Variants in NT5DC1 observed in about 807,000 individuals in gnomAD.
NT5DC1 encodes 5'-nucleotidase domain-containing protein 1.
Under a neutral mutation model 59.4 loss-of-function variants are expected in NT5DC1, and 42 were observed. The observed-to-expected ratio is 0.71, with a 90% CI of 0.55 to 0.92. The LOEUF is 0.92. Ranked by LOEUF, NT5DC1 falls within the 40% of genes least tolerant of loss-of-function variation. The pLI is 0.00. For missense variants in NT5DC1, 501 were observed against 537.1 expected (o/e 0.93, Z 0.66); for synonymous variants, 172 against 188.1 (o/e 0.91, Z 0.70).
chr6:116,125,831 T>C, intron 6 of NT5DC1: 1 of 214,304 alleles, frequency 4.7e-6, no homozygotes, highest in Non-Finnish European at 9.4e-6. Flanking sequence ...AGTTTCAAAA[T>C]ACACTGAAAT....
At position 116,108,454 on chromosome 6, in the gene NT5DC1, G is replaced by A. The variant is rs923840917; in HGVS notation, c.257+19G>A. On this transcript the variant is annotated intron_variant, in intron 3 of 11. Transcript: ENST00000319550. ...TTCTCAGGTAATAAAACTTAGTTGT[G>A]AAGTCTAAACTTTACCTTCTCTGAG... The A allele has an allele frequency of 5.3e-6, 8 of 1,502,446 alleles. No individual in the cohort carries two copies. The South Asian group carries it at 9.0e-5, about 17-fold the overall frequency. The allele number at this position is 1,502,446 out of a possible 1,614,324, so 93.1% of individuals were successfully genotyped here.
At chr6:116,230,475 C>A (rs1204810) in intron 8 of NT5DC1, among the ~76,000 whole-genome samples, 113,121 of 152,178 alleles carry the variant, frequency 0.74, 43,483 homozygotes, top group East Asian at 1. Flanking sequence ...CTCAGACTTT[C>A]ATGTACACGT....
chr6:116,111,961 C>G (rs1778885672), intron 4 of NT5DC1, among the ~76,000 whole-genome samples: 1 of 152,176 alleles, frequency 6.6e-6, no homozygotes, highest in South Asian at 2.1e-4. Flanking sequence ...ACAGGCTCTT[C>G]CTTTCTCCTG....
intron 6 of NT5DC1, among the ~76,000 whole-genome samples, chr6:116,136,468 G>GT (rs60569308): frequency 0.21 from 31,945 of 151,444 alleles, 3,541 homozygotes; most frequent in South Asian, 0.28. Context: ...GTTTTGTGGG[G>GT]TTTTTTTTAA....
chr6:116,145,472 A>T (rs376416945), intron 6 of NT5DC1: 3 of 382,382 alleles, frequency 7.8e-6, no homozygotes, highest in Non-Finnish European at 1.8e-5. Context: ...TTCAGGATAT[A>T]TCTACAAGTT....
At chr6:116,127,235 A>G (rs1361897624) in intron 6 of NT5DC1, among the ~76,000 whole-genome samples, 1 of 152,152 alleles carries the variant, frequency 6.6e-6, no homozygotes, top group Non-Finnish European at 1.5e-5. Flanking sequence ...TGAATGAACT[A>G]AAGATTTGTC....
At chr6:116,103,517 AGG>A (rs1361371837) in intron 1 of NT5DC1, among the ~76,000 whole-genome samples, 1 of 151,982 alleles carries the variant, frequency 6.6e-6, no homozygotes, top group Non-Finnish European at 1.5e-5. Context: ...GGAGGTGGAG[AGG>A]AGTGCTTCAC....
intron 6 of NT5DC1, chr6:116,121,363 G>C (rs1779118080): frequency 6.2e-7 from 1 of 1,613,814 alleles, no homozygotes; most frequent in South Asian, 1.1e-5. Context: ...GAGGGCCTTG[G>C]GGACCTGGTG....
At chr6:116,178,806 AAC>A (rs1780809575) in intron 6 of NT5DC1, among the ~76,000 whole-genome samples, 1 of 152,194 alleles carries the variant, frequency 6.6e-6, no homozygotes, top group African/African-American at 2.4e-5. Flanking sequence ...GACAGGTGAG[AAC>A]CAGAAAAAGC....
intron 6 of NT5DC1, chr6:116,137,529 G>A (rs919377556): frequency 4.7e-6 from 1 of 212,106 alleles, no homozygotes; most frequent in African/African-American, 2.3e-5. Flanking sequence ...GTATTTCACA[G>A]TCTCCTCAAA....
intron 6 of NT5DC1, among the ~76,000 whole-genome samples, chr6:116,176,156 A>G (rs1221518245): frequency 6.6e-6 from 1 of 152,194 alleles, no homozygotes; most frequent in African/African-American, 2.4e-5. Flanking sequence ...ATGGTAGACC[A>G]TAGGCTTCAA....
chr6:116,122,100 G>A (rs900544927), intron 6 of NT5DC1: 8 of 865,216 alleles, frequency 9.2e-6, no homozygotes, highest in Non-Finnish European at 1.5e-5. Flanking sequence ...AGTCTGAAAT[G>A]GTTTTAGATT....
chr6:116,166,222 T>G (rs2114440096), intron 6 of NT5DC1, among the ~76,000 whole-genome samples: 1 of 152,260 alleles, frequency 6.6e-6, no homozygotes, highest in South Asian at 2.1e-4. Context: ...CAGTGGGGTC[T>G]CCAACAGATC....
At chr6:116,234,860 T>G (rs1470451892) in intron 8 of NT5DC1, among the ~76,000 whole-genome samples, 1 of 152,196 alleles carries the variant, frequency 6.6e-6, no homozygotes, top group African/African-American at 2.4e-5. Flanking sequence ...CTGCAGGAAT[T>G]AATAATTCTC....
intron 6 of NT5DC1, among the ~76,000 whole-genome samples, chr6:116,220,213 C>T (rs1204795): frequency 0.44 from 63,136 of 144,292 alleles, 17,208 homozygotes; most frequent in African/African-American, 0.79. Context: ...TATCTGCTTA[C>T]TAGTTCTATC....
At chr6:116,117,504 C>T (rs1778988321) in intron 5 of NT5DC1, among the ~76,000 whole-genome samples, 1 of 152,130 alleles carries the variant, frequency 6.6e-6, no homozygotes, top group African/African-American at 2.4e-5. Context: ...ATTTAATACA[C>T]CTAGTTTACT....
At chr6:116,242,745 G>A (rs151029296) in intron 11 of NT5DC1, among the ~76,000 whole-genome samples, 9 of 152,086 alleles carry the variant, frequency 5.9e-5, no homozygotes, top group Non-Finnish European at 1.0e-4. Flanking sequence ...TATGCTTTCC[G>A]CTTGGATTCT....
rs138088821 is a variant in NT5DC1, at chr6:116,132,003, T to A, written c.529+14058T>A. Among the ~76,000 whole-genome samples, 1,421 of 152,296 alleles carry A rather than the reference T, an allele frequency of 9.3e-3. 20 individuals are homozygous for A. Among genetic ancestry groups the A allele is most frequent in the African/African-American group, 0.033 (1,359 of 41,550 alleles). On this transcript the variant is annotated intron_variant, in intron 6 of 11. Transcript: ENST00000319550. ...ACATGTGTTTCTGCAAAGGACATTATCTTATTGTTTTTTATGGCTGCATAG... is the reference window on the plus strand; with the variant it reads ...ACATGTGTTTCTGCAAAGGACATTAACTTATTGTTTTTTATGGCTGCATAG...
At chr6:116,198,104 T>A (rs745737644) in intron 6 of NT5DC1, among the ~76,000 whole-genome samples, 3 of 152,040 alleles carry the variant, frequency 2.0e-5, no homozygotes, top group Non-Finnish European at 2.9e-5. Flanking sequence ...AAAGGGTTAT[T>A]TCTCCTGTCA....
Sources: gnomAD v4.1 joint callset for allele counts (sites outside exome capture counted in the v4.1 genomes callset) on GRCh38, gnomAD v4.1.1 for gene constraint, MANE v1.5 for transcripts, NCBI Gene and HGNC (gene_info 2026-07-23, HGNC 2026-07-21) for gene names.